The following USP3 variants were observed in gnomAD, a reference collection of about 807,000 sequenced individuals.
The protein encoded by USP3 is ubiquitin specific peptidase 3.
USP3 carries 20 observed loss-of-function variants against 72.3 expected under a neutral mutation model. The ratio of observed to expected loss-of-function variants is 0.28; its 90% CI spans 0.19 to 0.40. The LOEUF is 0.40. Ranked by LOEUF, USP3 falls within the 10% of genes least tolerant of loss-of-function variation. The pLI, the probability that USP3 is intolerant of heterozygous loss-of-function variation, is 1.00. For synonymous variants in USP3, 222 were observed against 225.3 expected (o/e 0.99, Z 0.13); for missense variants, 479 against 633.9 (o/e 0.76, Z 2.62).
intron 1 of USP3, among the ~76,000 whole-genome samples, chr15:63,519,487 A>G (rs1455582309): frequency 6.6e-6 from 1 of 152,126 alleles, no homozygotes; most frequent in Non-Finnish European, 1.5e-5. Context: ...CACAAAAGTA[A>G]TGTTGTGTCT....
chr15:63,541,643 A>G (rs1035948931), intron 3 of USP3, among the ~76,000 whole-genome samples: 2 of 152,156 alleles, frequency 1.3e-5, no homozygotes, highest in African/African-American at 2.4e-5. Flanking sequence ...ATTTGATGGC[A>G]ATACATCAGA....
intron 8 of USP3, among the ~76,000 whole-genome samples, chr15:63,567,875 C>T (rs1004397626): frequency 1.3e-5 from 2 of 152,128 alleles, no homozygotes; most frequent in South Asian, 2.1e-4. Context: ...AGACAGTTGC[C>T]GCGTGTTCCT....
At chr15:63,505,442 A>G (rs2065699839) in intron 1 of USP3, among the ~76,000 whole-genome samples, 1 of 152,186 alleles carries the variant, frequency 6.6e-6, no homozygotes, top group Admixed American at 6.5e-5. Flanking sequence ...TTCATCCGTC[A>G]GGGATGGTGA....
At chr15:63,533,310 G>T (rs1461108375) in intron 2 of USP3, among the ~76,000 whole-genome samples, 1 of 152,040 alleles carries the variant, frequency 6.6e-6, no homozygotes, top group East Asian at 1.9e-4. Flanking sequence ...ATGTTTCATT[G>T]TTCCATTAAA....
In USP3 at chr15:63,591,571, G is replaced by GACTC. The variant is rs767106078; in HGVS notation, c.*749_*752dup. The GACTC allele has an allele frequency of 2.0e-5, 3 of 152,130 alleles. No individual in the cohort carries two copies. The highest frequency in any genetic ancestry group is 4.8e-5 in the African/African-American group (2 of 41,404). 9.4% of individuals were successfully genotyped at this position (152,130 alleles called of 1,614,324 possible). A position where few individuals can be genotyped will look rare whatever the true frequency, so the allele number is the denominator to read the frequency against. On this transcript the variant is annotated 3_prime_UTR_variant, in exon 15 of 15. Coordinates refer to ENST00000380324, the MANE Select transcript of USP3 (RefSeq NM_006537.4). ...ATGTAATGTTTAAAAAAAATGCTGT[G>GACTC]ACTCACTGACATGGTATAGGTGTTA...
At position 63,588,560 on chromosome 15, in the gene USP3, C is replaced by G; in HGVS notation, c.1215+137C>G. 1.1e-6 allele frequency: 1 copy of G among 930,418 alleles called. No homozygotes were observed. The highest frequency in any genetic ancestry group is 1.7e-6 in the Non-Finnish European group (1 of 597,410). The allele number at this position is 930,418 out of a possible 1,614,324, so 57.6% of individuals were successfully genotyped here. On this transcript the variant is annotated intron_variant, in intron 12 of 14. Transcript: ENST00000380324. This position sits in a 1 kb window ranked among gnomAD's most constrained non-coding sequence, Gnocchi z 4.6. ...TTTTCAGTAAAAGCTAAACCCCTTA[C>G]AGAATGAATGCATAAGGTATGCATG...
At position 63,591,496 on chromosome 15, in the gene USP3, T is replaced by G. The variant is rs1007006467; in HGVS notation, c.*670T>G. Reference sequence around the variant, plus strand: ...CTCTCTTTGTTGGTTTTTTTGGTTTTGGGGCATACTTGTTTGCGGGGAGGT... The same window carrying G: ...CTCTCTTTGTTGGTTTTTTTGGTTTGGGGGCATACTTGTTTGCGGGGAGGT... On this transcript the variant is annotated 3_prime_UTR_variant, in exon 15 of 15. Coordinates refer to ENST00000380324, the MANE Select transcript of USP3 (RefSeq NM_006537.4). 2 of 152,264 alleles carry G rather than the reference T, an allele frequency of 1.3e-5. No individual in the cohort carries two copies. Among genetic ancestry groups the G allele is most frequent in the Admixed American group, 6.5e-5 (1 of 15,282 alleles). The allele number at this position is 152,264 out of a possible 1,614,324, so 9.4% of individuals were successfully genotyped here.
At chr15:63,522,114 G>A (rs1048221283) in intron 1 of USP3, among the ~76,000 whole-genome samples, 1 of 152,220 alleles carries the variant, frequency 6.6e-6, no homozygotes, top group African/African-American at 2.4e-5. Context: ...GGTCTCAGGC[G>A]ATCCTCCTGC....
rs186383167 is a variant in USP3 at position 63,532,696 on chromosome 15, C to A, written c.141C>A (p.Val47=). The A allele has an allele frequency of 2.5e-6, 4 of 1,613,950 alleles. 1 individual carries two copies. In the South Asian group the frequency reaches 4.4e-5, roughly 18 times the overall value. The part of the protein sequence containing the change: ...SPWVCLTCSS[V]HCGRYVNGHA... Reference sequence around the variant, plus strand: ...GGGTCTGTTTGACTTGTTCAAGTGTCCACTGTGGAAGGTAGGTGACATACT... The same window carrying A: ...GGGTCTGTTTGACTTGTTCAAGTGTACACTGTGGAAGGTAGGTGACATACT... The change falls in exon 2 of 15, where the codon GTC becomes GTA. Residue 47 remains valine, a synonymous_variant. Transcript: ENST00000380324.
chr15:63,579,724 G>A (rs999364255), intron 11 of USP3, among the ~76,000 whole-genome samples: 2 of 152,168 alleles, frequency 1.3e-5, no homozygotes, highest in Non-Finnish European at 2.9e-5. Flanking sequence ...CATAAACAAA[G>A]TGGAAAAGAG....
chr15:63,547,888 G>GAGAGAGAGAGAGAGAGAGTCAT (rs1555446525), intron 3 of USP3, among the ~76,000 whole-genome samples: 1 of 73,298 alleles, frequency 1.4e-5, no homozygotes. Flanking sequence ...GAGAGAGAGA[G>GAGAGAGAGAGAGAGAGAGTCAT]AGAGAGAGGC....
In USP3 at chr15:63,553,886, G is replaced by C; in HGVS notation, c.368+88G>C. 1 of 949,014 alleles carries C rather than the reference G, an allele frequency of 1.1e-6. No homozygotes were observed. The highest frequency in any genetic ancestry group is 1.6e-6 in the Non-Finnish European group (1 of 635,448). The allele number at this position is 949,014 out of a possible 1,614,324, so 58.8% of individuals were successfully genotyped here. A position where few individuals can be genotyped will look rare whatever the true frequency, so the allele number is the denominator to read the frequency against. On this transcript the variant is annotated intron_variant, in intron 4 of 14. Transcript: ENST00000380324. This position sits in a 1 kb window ranked among gnomAD's most constrained non-coding sequence, Gnocchi z 4.2. ...TTTTGAGTGGGGTTTTTGTTGATGA[G>C]TTTAATAACTTCATGTTTATAATAT...
intron 3 of USP3, among the ~76,000 whole-genome samples, chr15:63,537,393 C>A (rs1230464024): frequency 6.6e-6 from 1 of 152,178 alleles, no homozygotes; most frequent in Non-Finnish European, 1.5e-5. Context: ...CGTTCCTCAT[C>A]CATCCTAGCT....
At chr15:63,517,858 C>G (rs1283127397) in intron 1 of USP3, among the ~76,000 whole-genome samples, 2 of 152,198 alleles carry the variant, frequency 1.3e-5, no homozygotes, top group Admixed American at 6.5e-5. Flanking sequence ...CTCTGCACTA[C>G]TAAGATTGTT....
At chr15:63,565,892 G>A (rs1030564439) in intron 8 of USP3, among the ~76,000 whole-genome samples, 1 of 152,204 alleles carries the variant, frequency 6.6e-6, no homozygotes, top group Admixed American at 6.5e-5. Context: ...TCAAGGAAAT[G>A]TTCTTCTGTA....
In USP3 at chr15:63,591,047, T is replaced by A; in HGVS notation, c.*221T>A. ...ATGTTTTGATTTGCTGCTTTAGTTG[T>A]AATAATTCAATTTTTATAGGTAGTT... On this transcript the variant is annotated 3_prime_UTR_variant, in exon 15 of 15. Transcript: ENST00000380324. 2.1e-6 allele frequency: 1 copy of A among 469,564 alleles called. No individual in the cohort carries two copies. Among genetic ancestry groups the A allele is most frequent in the Non-Finnish European group, 3.6e-6 (1 of 279,426 alleles). 29.1% of individuals were successfully genotyped at this position (469,564 alleles called of 1,614,324 possible).
chr15:63,590,427 G>T (rs2067173128), intron 14 of USP3, among the ~76,000 whole-genome samples: 1 of 152,152 alleles, frequency 6.6e-6, no homozygotes, highest in Non-Finnish European at 1.5e-5. Flanking sequence ...TTGTTAGGTT[G>T]CGAGTTCCTC....
chr15:63,511,258 CT>C (rs1183383727), intron 1 of USP3, among the ~76,000 whole-genome samples: 1 of 2,300 alleles, frequency 4.3e-4, no homozygotes, highest in African/African-American at 5.1e-4. Context: ...TTTTAGCTTG[CT>C]TTTTCTTAAA....
chr15:63,510,478 A>G (rs984413423), intron 1 of USP3, among the ~76,000 whole-genome samples: 1 of 152,210 alleles, frequency 6.6e-6, no homozygotes, highest in Non-Finnish European at 1.5e-5. Context: ...CAACCAAGGC[A>G]TTGAAATAAA....
Sources: allele counts gnomAD v4.1 joint callset (sites outside exome capture counted in the v4.1 genomes callset), GRCh38; gene constraint gnomAD v4.1.1; non-coding constraint Gnocchi (gnomAD v3.1); transcripts MANE v1.5; gene names NCBI Gene and HGNC (gene_info 2026-07-23, HGNC 2026-07-21).